ANXA8: variants seen among roughly 807,000 people sequenced by gnomAD.
The protein encoded by ANXA8 is VAC-beta.
In ANXA8, 9 loss-of-function variants were observed where a neutral mutation model predicts 26.8. The ratio of observed to expected loss-of-function variants is 0.34; its 90% CI spans 0.20 to 0.59. The LOEUF is 0.59. Ranked by LOEUF, ANXA8 falls within the 20% of genes least tolerant of loss-of-function variation. ANXA8 has a pLI of 0.84. For missense variants in ANXA8, 83 were observed against 238.5 expected (o/e 0.35, Z 4.29); for synonymous variants, 39 against 94.8 (o/e 0.41, Z 3.42).
the ANXA8 span, among the ~76,000 whole-genome samples, chr10:47,686,565 C>A: frequency 1.3e-5 from 2 of 151,854 alleles, 1 homozygote; most frequent in Admixed American, 1.3e-4. Context: ...AATTAAGCTC[C>A]TTAAAGCTCT....
At chr10:47,589,994 A>T in the ANXA8 span, 2 of 145,746 alleles carry the variant, frequency 1.4e-5, no homozygotes, top group Non-Finnish European at 2.9e-5. Context: ...GAGGCTCAGG[A>T]TCTGGATCCT....
chr10:47,555,547 C>T, the ANXA8 span, among the ~76,000 whole-genome samples: 36 of 152,122 alleles, frequency 2.4e-4, 1 homozygote, highest in South Asian at 3.1e-3. Context: ...CTGACCAATA[C>T]GCTATCATTT....
upstream of ANXA8, chr10:47,484,344 A>G (rs1839976578): frequency 1.6e-5 from 11 of 693,562 alleles, no homozygotes; most frequent in Non-Finnish European, 2.7e-5. Flanking sequence ...TTGGCCTACC[A>G]AAGTGCTGGG....
chr10:47,686,475 G>T, the ANXA8 span, among the ~76,000 whole-genome samples: 1 of 151,814 alleles, frequency 6.6e-6, no homozygotes, highest in Non-Finnish European at 1.5e-5. Context: ...GCCTCCCGAA[G>T]TCCTGGGATT....
At chr10:47,586,825 G>A in the ANXA8 span, among the ~76,000 whole-genome samples, 1 of 146,286 alleles carries the variant, frequency 6.8e-6, no homozygotes, top group Non-Finnish European at 1.5e-5. Context: ...CTGTAAAAAT[G>A]GGGCATAGAA....
the ANXA8 span, chr10:47,920,714 A>T: frequency 7.2e-6 from 1 of 138,766 alleles, no homozygotes; most frequent in Non-Finnish European, 1.6e-5. Context: ...CATCAGAATC[A>T]CATAGTCTAC....
the ANXA8 span, among the ~76,000 whole-genome samples, chr10:47,777,775 G>A: frequency 6.6e-6 from 1 of 151,802 alleles, no homozygotes; most frequent in Admixed American, 6.6e-5. Context: ...TCCCTCTTAG[G>A]GCTATACAGC....
At chr10:47,523,983 C>A in the ANXA8 span, among the ~76,000 whole-genome samples, 18,375 of 142,686 alleles carry the variant, frequency 0.13, 527 homozygotes, top group East Asian at 0.39. Context: ...CAGTGCCCCA[C>A]CCTGCCTGCC....
At chr10:47,697,052 G>A in the ANXA8 span, among the ~76,000 whole-genome samples, 1 of 151,680 alleles carries the variant, frequency 6.6e-6, no homozygotes, top group East Asian at 1.9e-4. Context: ...TTTAAAAGAA[G>A]CTGTTTAATG....
At chr10:47,493,469 C>G in the ANXA8 span, among the ~76,000 whole-genome samples, 1 of 148,534 alleles carries the variant, frequency 6.7e-6, no homozygotes, top group African/African-American at 2.5e-5. Flanking sequence ...TCTTCTGAGG[C>G]TGTGTGTCCC....
the ANXA8 span, among the ~76,000 whole-genome samples, chr10:47,510,824 C>T: frequency 5.1e-5 from 4 of 78,640 alleles, no homozygotes; most frequent in Admixed American, 1.5e-4. Context: ...AGTGAGACTC[C>T]GTCTCAAAAA....
At chr10:47,599,182 C>G in the ANXA8 span, among the ~76,000 whole-genome samples, 3 of 144,206 alleles carry the variant, frequency 2.1e-5, 1 homozygote, top group Non-Finnish European at 4.5e-5. Flanking sequence ...AGTGACTACA[C>G]TACTCAAGAT....
At chr10:47,587,793 TAAG>T in the ANXA8 span, among the ~76,000 whole-genome samples, 3 of 146,510 alleles carry the variant, frequency 2.0e-5, no homozygotes, top group Admixed American at 6.6e-5. Context: ...GGAGACAGAA[TAAG>T]AAGAAGACTG....
the ANXA8 span, among the ~76,000 whole-genome samples, chr10:47,772,425 TC>T: frequency 6.6e-6 from 1 of 152,276 alleles, no homozygotes; most frequent in Non-Finnish European, 1.5e-5. Context: ...ACACTGACCC[TC>T]CATACCTTGT....
chr10:47,539,280 CT>C, the ANXA8 span: 1 of 177,480 alleles, frequency 5.6e-6, no homozygotes, highest in African/African-American at 4.2e-5. Flanking sequence ...GGCTTTCATT[CT>C]GACAAAATAA....
the ANXA8 span, chr10:47,568,111 T>A: frequency 7.0e-6 from 2 of 285,440 alleles, no homozygotes; most frequent in Non-Finnish European, 6.7e-6. Context: ...CTCGGCTCAC[T>A]GCAACCTCCG....
chr10:47,945,198 G>C, the ANXA8 span, among the ~76,000 whole-genome samples: 1 of 149,902 alleles, frequency 6.7e-6, no homozygotes. Flanking sequence ...ACATGGGGTT[G>C]CTGGACTGTT....
At chr10:47,704,807 A>T in the ANXA8 span, among the ~76,000 whole-genome samples, 3 of 152,082 alleles carry the variant, frequency 2.0e-5, no homozygotes, top group African/African-American at 7.2e-5. Context: ...TAATAAATGT[A>T]ACAAAGTATG....
chr10:47,685,726 G>T, the ANXA8 span, among the ~76,000 whole-genome samples: 3 of 150,302 alleles, frequency 2.0e-5, no homozygotes, highest in Non-Finnish European at 3.0e-5. Flanking sequence ...GAGAGAGAGA[G>T]AAATTGGAGA....
Sources: allele counts gnomAD v4.1 joint callset (sites outside exome capture counted in the v4.1 genomes callset), GRCh38; gene constraint gnomAD v4.1.1; transcripts MANE v1.5; gene names NCBI Gene and HGNC (gene_info 2026-07-23, HGNC 2026-07-21).